CACNB2: variants seen among roughly 807,000 people sequenced by gnomAD.
The protein encoded by CACNB2 is calcium voltage-gated channel auxiliary subunit beta 2.
Under a neutral mutation model 73.3 loss-of-function variants are expected in CACNB2, and 42 were observed. The observed-to-expected ratio is 0.57, with a 90% confidence interval of 0.45 to 0.74. The LOEUF (loss-of-function observed/expected upper bound fraction) is 0.74, where lower values mean the gene tolerates loss of function less well. CACNB2 is among the 30% of genes least tolerant of loss of function. The pLI is 0.00. For synonymous variants in CACNB2, 348 were observed against 310.3 expected (o/e 1.12, Z -1.28); for missense variants, 940 against 853.0 (o/e 1.10, Z -1.27).
intron 2 of CACNB2, among the ~76,000 whole-genome samples, chr10:18,304,852 G>T (rs1362791894): frequency 6.6e-6 from 1 of 152,128 alleles, no homozygotes. Context: ...TTAAAACAGG[G>T]GCGGTCCCTT....
At chr10:18,272,332 T>G (rs2038089068) in intron 2 of CACNB2, among the ~76,000 whole-genome samples, 1 of 152,194 alleles carries the variant, frequency 6.6e-6, no homozygotes, top group Non-Finnish European at 1.5e-5. Flanking sequence ...AAGAATCTAC[T>G]TGGAAGATGT....
intron 4 of CACNB2, 96 bp downstream of exon 4, chr10:18,498,573 TTGCACATCGC>T: frequency 8.1e-7 from 1 of 1,230,138 alleles, no homozygotes; most frequent in Non-Finnish European, 1.2e-6. Context: ...TGAAGTAGCA[TTGCACATCGC>T]TGCAGTTGTA....
intron 2 of CACNB2, among the ~76,000 whole-genome samples, chr10:18,336,694 A>G (rs2041022496): frequency 6.6e-6 from 1 of 152,218 alleles, no homozygotes; most frequent in Admixed American, 6.5e-5. Flanking sequence ...CATTTCTCCT[A>G]GACCAATTTA....
At chr10:18,463,859 C>T (rs865987660) in intron 3 of CACNB2, among the ~76,000 whole-genome samples, 8 of 152,056 alleles carry the variant, frequency 5.3e-5, no homozygotes, top group Non-Finnish European at 1.0e-4. Flanking sequence ...CAGCTCCTCC[C>T]GCTCCATGCA....
Position 18,360,265 on chromosome 10 carries a change from C to A in CACNB2, c.214-41659C>A, listed in dbSNP as rs537412863. 2.0e-5 allele frequency among the ~76,000 whole-genome samples: 3 copies of A among 152,282 alleles called. No homozygotes were observed. The South Asian group carries it at 6.2e-4, about 32-fold the overall frequency. On this transcript the variant is annotated intron_variant, in intron 2 of 13. Coordinates refer to ENST00000324631, the MANE Select transcript of CACNB2 (RefSeq NM_201596.3). ...TAAGAGACAGAGTCTCACTCTGTTG[C>A]CTAGGCTGGAGTGCAGTAGAGCAAT...
chr10:18,141,135 A>G, intron 1 of CACNB2: 1 of 1,524,762 alleles, frequency 6.6e-7, no homozygotes, highest in Non-Finnish European at 8.8e-7. Flanking sequence ...GGGTTGCTCC[A>G]GCTGGCCCTC....
chr10:18,192,023 T>G (rs886482166), intron 2 of CACNB2, among the ~76,000 whole-genome samples: 11 of 151,370 alleles, frequency 7.3e-5, no homozygotes, highest in African/African-American at 2.7e-4. Flanking sequence ...TGCCCTCATA[T>G]CAATATAAGG....
intron 2 of CACNB2, among the ~76,000 whole-genome samples, chr10:18,339,147 G>A (rs2041135106): frequency 6.6e-6 from 1 of 151,914 alleles, no homozygotes; most frequent in South Asian, 2.1e-4. Context: ...CTGAGGGGTG[G>A]GATGCCAAGC....
intron 6 of CACNB2, among the ~76,000 whole-genome samples, chr10:18,511,386 C>G (rs16917404): frequency 0.025 from 3,837 of 152,236 alleles, 170 homozygotes; most frequent in South Asian, 0.16. Flanking sequence ...TTTCAAAAGG[C>G]TGCTTCATTT....
intron 2 of CACNB2, among the ~76,000 whole-genome samples, chr10:18,248,064 G>C (rs1027440279): frequency 1.3e-5 from 2 of 152,146 alleles, no homozygotes; most frequent in Admixed American, 6.6e-5. Context: ...TTGGTGATTA[G>C]GTTGCAACAT....
At chr10:18,260,501 C>T (rs1431672413) in intron 2 of CACNB2, 1 of 985,418 alleles carries the variant, frequency 1.0e-6, no homozygotes. Context: ...GGTCCTGAGG[C>T]CACTCTGGCG....
intron 13 of CACNB2, among the ~76,000 whole-genome samples, chr10:18,538,699 A>AATAATGGCAACC (rs1319993316): frequency 6.6e-6 from 1 of 152,192 alleles, no homozygotes; most frequent in Non-Finnish European, 1.5e-5. Flanking sequence ...CCTCAGGAAT[A>AATAATGGCAACC]ATAATGGCAA....
intron 2 of CACNB2, among the ~76,000 whole-genome samples, chr10:18,335,327 C>A (rs942526046): frequency 6.6e-6 from 1 of 152,142 alleles, no homozygotes; most frequent in African/African-American, 2.4e-5. Context: ...GTAATCCCAG[C>A]GCTTTGGGAC....
intron 2 of CACNB2, among the ~76,000 whole-genome samples, chr10:18,280,880 T>G (rs1168626014): frequency 6.6e-6 from 1 of 152,220 alleles, no homozygotes; most frequent in African/African-American, 2.4e-5. Flanking sequence ...ATCCTGGGTA[T>G]GAACCACTGT....
intron 2 of CACNB2, among the ~76,000 whole-genome samples, chr10:18,222,546 C>T (rs967080192): frequency 8.5e-5 from 13 of 152,084 alleles, no homozygotes; most frequent in Non-Finnish European, 1.8e-4. Context: ...TTATTAGGTT[C>T]TATTTAAGTA....
chr10:18,515,121 C>G, intron 7 of CACNB2: 1 of 1,168,420 alleles, frequency 8.6e-7, no homozygotes, highest in Non-Finnish European at 1.3e-6. Flanking sequence ...ACCATCTCAC[C>G]CTTTGGACAG....
At chr10:18,454,713 A>G (rs1026374415) in intron 3 of CACNB2, among the ~76,000 whole-genome samples, 2 of 152,198 alleles carry the variant, frequency 1.3e-5, no homozygotes, top group African/African-American at 4.8e-5. Flanking sequence ...TTTTCTTTCC[A>G]ATGGAGGAGA....
At chr10:18,297,838 C>T (rs1336147611) in intron 2 of CACNB2, among the ~76,000 whole-genome samples, 1 of 152,154 alleles carries the variant, frequency 6.6e-6, no homozygotes, top group Non-Finnish European at 1.5e-5. Context: ...TATCCCTCCA[C>T]AGAAGTGCTT....
intron 3 of CACNB2, among the ~76,000 whole-genome samples, chr10:18,442,907 AC>A (rs2046485667): frequency 9.1e-6 from 1 of 110,162 alleles, no homozygotes; most frequent in African/African-American, 4.0e-5. Context: ...ACATGTAAAA[AC>A]AATATATATA....
Sources: allele counts gnomAD v4.1 joint callset (sites outside exome capture counted in the v4.1 genomes callset), GRCh38; gene constraint gnomAD v4.1.1; transcripts MANE v1.5; gene names NCBI Gene and HGNC (gene_info 2026-07-23, HGNC 2026-07-21).